DPP6: variants seen among roughly 807,000 people sequenced by gnomAD.
DPP6 encodes dipeptidyl peptidase like 6.
Under a neutral mutation model 122.6 loss-of-function variants are expected in DPP6, and 69 were observed. The ratio of observed to expected loss-of-function variants is 0.56; its 90% CI spans 0.46 to 0.69. The LOEUF is 0.69. DPP6 is among the 30% of genes least tolerant of loss of function. The pLI, the probability that DPP6 is intolerant of heterozygous loss-of-function variation, is 0.00. For synonymous variants in DPP6, 418 were observed against 433.1 expected (o/e 0.97, Z 0.43); for missense variants, 928 against 1,116.9 (o/e 0.83, Z 2.41).
At chr7:154,819,985 G>C (rs568296612) in intron 16 of DPP6, among the ~76,000 whole-genome samples, 1 of 152,298 alleles carries the variant, frequency 6.6e-6, no homozygotes, top group African/African-American at 2.4e-5. Flanking sequence ...CAGAGTGGAC[G>C]GTGGGGCTGG....
At chr7:154,540,500 C>T in intron 3 of DPP6, 32 bp from the exon 4 acceptor site, 1 of 1,345,712 alleles carries the variant, frequency 7.4e-7, no homozygotes. Context: ...CTTGATGTTT[C>T]ATGTGGTTTT....
chr7:154,752,083 C>T (rs1290984866), intron 8 of DPP6, among the ~76,000 whole-genome samples: 10 of 152,126 alleles, frequency 6.6e-5, no homozygotes, highest in Admixed American at 5.2e-4. Flanking sequence ...GAGGAATGCG[C>T]CATCTTTGTT....
At position 154,461,407 on chromosome 7, in the gene DPP6, G is replaced by A. The variant is rs528022248; in HGVS notation, c.359-13532G>A. 2.3e-4 allele frequency among the ~76,000 whole-genome samples: 35 copies of A among 152,188 alleles called. No homozygotes were observed. The South Asian group carries it at 7.3e-3, about 32-fold the overall frequency. ...TAGCACTGGGATTACTGGATCATAT[G>A]GTAACTCTGTTTTTAGTTTTCTGAG... On this transcript the variant is annotated intron_variant, in intron 2 of 25. Coordinates refer to ENST00000377770, the MANE Select transcript of DPP6 (RefSeq NM_130797.4).
At chr7:153,986,861 C>G (rs1796873035) in intron 1 of DPP6, among the ~76,000 whole-genome samples, 1 of 151,412 alleles carries the variant, frequency 6.6e-6, no homozygotes, top group African/African-American at 2.4e-5. Flanking sequence ...TCCTGTAGAG[C>G]ACGTTGCACT....
chr7:153,992,646 A>G (rs530294518), intron 1 of DPP6, among the ~76,000 whole-genome samples: 1 of 152,294 alleles, frequency 6.6e-6, no homozygotes, highest in Non-Finnish European at 1.5e-5. Flanking sequence ...TGTCAATTCC[A>G]GGCTATCAGA....
At chr7:154,345,975 A>G (rs919489463) in intron 1 of DPP6, among the ~76,000 whole-genome samples, 8 of 152,172 alleles carry the variant, frequency 5.3e-5, no homozygotes, top group South Asian at 2.1e-4. Flanking sequence ...GAACTGAAAC[A>G]TACTTTGATT....
At chr7:153,852,559 C>T in the DPP6 span, among the ~76,000 whole-genome samples, 2 of 152,064 alleles carry the variant, frequency 1.3e-5, no homozygotes, top group Admixed American at 1.3e-4. Flanking sequence ...TCAACTCCCA[C>T]CAGGCCCCAC....
At chr7:153,939,028 CAAATA>C (rs750060599) in intron 1 of DPP6, among the ~76,000 whole-genome samples, 36 of 152,176 alleles carry the variant, frequency 2.4e-4, no homozygotes, top group Non-Finnish European at 3.8e-4. Context: ...CACACCTCCC[CAAATA>C]AAATGCATTT....
chr7:154,820,453 G>T (rs1489872224), intron 16 of DPP6, among the ~76,000 whole-genome samples: 1 of 152,180 alleles, frequency 6.6e-6, no homozygotes, highest in Non-Finnish European at 1.5e-5. Flanking sequence ...GAACTGAATA[G>T]GTAAAGTAGT....
chr7:154,384,741 TA>T (rs59876441), intron 1 of DPP6, among the ~76,000 whole-genome samples: 71,671 of 132,358 alleles, frequency 0.54, 19,476 homozygotes, highest in East Asian at 0.67. Flanking sequence ...TTCTTTCTTT[TA>T]TTTTTTTTTG....
intron 6 of DPP6, among the ~76,000 whole-genome samples, chr7:154,640,038 G>A (rs1835968617): frequency 6.6e-6 from 1 of 152,118 alleles, no homozygotes; most frequent in Admixed American, 6.5e-5. Context: ...GATCACTTGA[G>A]GTCAGGAGTT....
the DPP6 span, among the ~76,000 whole-genome samples, chr7:153,844,967 G>C: frequency 2.0e-5 from 3 of 152,254 alleles, no homozygotes; most frequent in African/African-American, 7.2e-5. Flanking sequence ...CAGGCACCAG[G>C]AGCAATACAA....
intron 1 of DPP6, among the ~76,000 whole-genome samples, chr7:153,960,075 C>A (rs1015126068): frequency 1.3e-5 from 2 of 151,870 alleles, no homozygotes; most frequent in East Asian, 3.9e-4. Flanking sequence ...CCAAATCAAG[C>A]AAATGAGGTG....
chr7:153,990,048 G>GAGCCAA (rs1255616879), intron 1 of DPP6, among the ~76,000 whole-genome samples: 1 of 124,386 alleles, frequency 8.0e-6, no homozygotes, highest in African/African-American at 3.1e-5. Context: ...GCCAGAGCCA[G>GAGCCAA]TCCCCCAGCA....
At chr7:153,869,167 T>C in the DPP6 span, among the ~76,000 whole-genome samples, 99 of 152,380 alleles carry the variant, frequency 6.5e-4, no homozygotes, top group African/African-American at 2.1e-3. Context: ...GTCTATTAGG[T>C]CCGCTTGGTG....
chr7:154,274,943 A>C (rs1444558168), intron 1 of DPP6, among the ~76,000 whole-genome samples: 1 of 152,210 alleles, frequency 6.6e-6, no homozygotes, highest in Non-Finnish European at 1.5e-5. Context: ...ACAGGCCGGG[A>C]GCTACATTTC....
intron 1 of DPP6, among the ~76,000 whole-genome samples, chr7:154,394,055 A>G (rs1814859096): frequency 1.3e-5 from 2 of 152,004 alleles, no homozygotes; most frequent in South Asian, 2.1e-4. Context: ...CAGTTGATAG[A>G]CTCTTGGTTT....
At chr7:154,383,270 C>T (rs947676127) in intron 1 of DPP6, among the ~76,000 whole-genome samples, 1 of 152,202 alleles carries the variant, frequency 6.6e-6, no homozygotes, top group African/African-American at 2.4e-5. Context: ...ATAGTATTTA[C>T]ACTAACTGTT....
intron 1 of DPP6, among the ~76,000 whole-genome samples, chr7:154,070,082 A>G (rs577677444): frequency 3.9e-5 from 6 of 152,084 alleles, no homozygotes; most frequent in African/African-American, 1.2e-4. Context: ...CTCATATGCA[A>G]TGATCCCCAC....
Sources: allele counts gnomAD v4.1 joint callset (sites outside exome capture counted in the v4.1 genomes callset), GRCh38; gene constraint gnomAD v4.1.1; transcripts MANE v1.5; gene names NCBI Gene and HGNC (gene_info 2026-07-23, HGNC 2026-07-21).